PHYH: variants seen among roughly 807,000 people sequenced by gnomAD.
PHYH encodes phytanoyl-CoA 2-hydroxylase, also known as phytanoyl-CoA dioxygenase, peroxisomal.
PHYH carries 32 observed loss-of-function variants against 38.5 expected under a neutral mutation model. The observed-to-expected ratio is 0.83, with a 90% CI of 0.63 to 1.12. The LOEUF (loss-of-function observed/expected upper bound fraction) is 1.12, where lower values mean the gene tolerates loss of function less well. Ranked by LOEUF, PHYH falls within the 50% of genes most tolerant of loss-of-function variation. PHYH has a pLI of 0.00. For synonymous variants in PHYH, 166 were observed against 157.9 expected (o/e 1.05, Z -0.38); for missense variants, 426 against 434.8 (o/e 0.98, Z 0.18).
intron 1 of PHYH, 44 bp downstream of exon 1, chr10:13,299,918 GCGGCGC>G (rs1213780844): frequency 2.0e-6 from 3 of 1,490,428 alleles, no homozygotes; most frequent in Non-Finnish European, 2.7e-6. Context: ...CACTCAGGCG[GCGGCGC>G]CGGCGCCGGA....
chr10:13,291,562 C>T (rs1356710972), intron 5 of PHYH: 1 of 472,806 alleles, frequency 2.1e-6, no homozygotes, highest in African/African-American at 2.0e-5. Flanking sequence ...TCACTGCAGC[C>T]TTCAACTCCT....
chr10:13,287,382 G>A (rs1261620407), intron 6 of PHYH, among the ~76,000 whole-genome samples: 2 of 152,010 alleles, frequency 1.3e-5, no homozygotes, highest in Non-Finnish European at 2.9e-5. Flanking sequence ...AAGGGTCTTC[G>A]ATCTTCCTAA....
chr10:13,282,572 A>G, intron 7 of PHYH, among the ~76,000 whole-genome samples: 1 of 147,878 alleles, frequency 6.8e-6, no homozygotes. Context: ...AGCCTGGGCA[A>G]CAGAGTGAGA....
At chr10:13,282,547 G>A (rs1479290347) in intron 7 of PHYH, among the ~76,000 whole-genome samples, 1 of 137,556 alleles carries the variant, frequency 7.3e-6, no homozygotes, top group Non-Finnish European at 1.5e-5. Context: ...AGCTGAGATT[G>A]CATCACTGCA....
Position 13,290,258 on chromosome 10 carries a change from G to A in PHYH, c.496+1573C>T, listed in dbSNP as rs895876478. ...TGCAGTAAGCCGAGATTGAGCCACT[G>A]CACTCCAGCCTGGGCAACAGAGCAA... On this transcript the variant is annotated intron_variant, in intron 5 of 8. Coordinates refer to ENST00000263038, the MANE Select transcript of PHYH (RefSeq NM_006214.4). Among the ~76,000 whole-genome samples the A allele has an allele frequency of 6.6e-5, 10 of 151,814 alleles. No individual in the cohort carries two copies. In the East Asian group the frequency reaches 1.9e-3, roughly 29 times the overall value.
chr10:13,295,580 G>T lies in PHYH; in HGVS notation c.161C>A (p.Thr54Asn), dbSNP rs775279867. ...FQYTLDNNVL[T>N]LEQRKFYEEN... is the part of the protein sequence containing the mutation. ...TTCATAAAATTTTCTCTGTTCCAGG[G>T]TTAGAACGTTATTATCCAGAGTATA... The change falls in exon 3 of 9, where the codon ACC (threonine) becomes AAC (asparagine). Residue 54 changes from threonine (T) to asparagine (N), a missense_variant. By Grantham distance (65) the Thr-to-Asn change is moderately conservative. Transcript: ENST00000263038. 1.4e-6 allele frequency: 2 copies of T among 1,405,144 alleles called. No homozygotes were observed. The highest frequency in any genetic ancestry group is 2.3e-5 in the East Asian group (1 of 43,952). 87.0% of individuals were successfully genotyped at this position (1,405,144 alleles called of 1,614,324 possible).
intron 2 of PHYH, 62 bp downstream of exon 2, chr10:13,298,125 T>C: frequency 2.1e-6 from 2 of 963,336 alleles, no homozygotes; most frequent in Non-Finnish European, 3.4e-6. Flanking sequence ...TATATCTTCA[T>C]TACCACTCAA....
intron 5 of PHYH, among the ~76,000 whole-genome samples, chr10:13,289,106 C>G: frequency 6.6e-6 from 1 of 152,076 alleles, no homozygotes; most frequent in African/African-American, 2.4e-5. Context: ...TCCCGCACTC[C>G]CTTCTTCCGG....
intron 6 of PHYH, among the ~76,000 whole-genome samples, chr10:13,286,567 G>A (rs990974268): frequency 1.3e-5 from 2 of 151,992 alleles, no homozygotes; most frequent in South Asian, 4.1e-4. Context: ...TGAGCATGGT[G>A]GCTTGTGCCT....
chr10:13,299,998 GC>G lies in PHYH; in HGVS notation c.44del (p.Gly15AlafsTer12). ...CCCCGGCCGAGGGGCGGCCGAGGTG[GC>G]CCAGAACAATCTGCAGACGGGCGGC... ...RAAARLQIVLGHLGRPSAGAV... is the reference protein window; with the variant it reads ...RAAARLQIVLXHLGRPSAGAV... On this transcript the variant is annotated frameshift_variant, in exon 1 of 9. Transcript: ENST00000263038. LOFTEE classifies it high-confidence loss of function. 6.5e-7 allele frequency: 1 copy of G among 1,532,758 alleles called. No individual in the cohort carries two copies. The allele number at this position is 1,532,758 out of a possible 1,614,324, so 94.9% of individuals were successfully genotyped here.
rs1832707305 is a variant in PHYH at position 13,300,011 on chromosome 10, T to G, written c.32A>C (p.Gln11Pro). ...GCGGCCGAGGTGGCCCAGAACAATCTGCAGACGGGCGGCGGCGCGAAGCTG... is the reference window on the plus strand; with the variant it reads ...GCGGCCGAGGTGGCCCAGAACAATCGGCAGACGGGCGGCGGCGCGAAGCTG... MEQLRAAARLQIVLGHLGRPS... is the reference protein window; with the variant it reads MEQLRAAARLPIVLGHLGRPS... The change falls in exon 1 of 9, where the codon CAG becomes CCG. Residue 11 changes from glutamine (Q) to proline (P), a missense_variant. Physicochemically the swap from Gln to Pro is moderately conservative, Grantham distance 76. Transcript: ENST00000263038. 3 of 1,532,784 alleles carry G rather than the reference T, an allele frequency of 2.0e-6. No homozygotes were observed. The highest frequency in any genetic ancestry group is 2.8e-5 in the African/African-American group (2 of 72,058). 94.9% of individuals were successfully genotyped at this position (1,532,784 alleles called of 1,614,324 possible). A position where few individuals can be genotyped will look rare whatever the true frequency, so the allele number is the denominator to read the frequency against.
At chr10:13,289,654 A>G (rs1243884411) in intron 5 of PHYH, among the ~76,000 whole-genome samples, 1 of 152,072 alleles carries the variant, frequency 6.6e-6, no homozygotes, top group East Asian at 1.9e-4. Flanking sequence ...GTTCTAAGCC[A>G]CGTGTAGTGG....
intron 5 of PHYH, among the ~76,000 whole-genome samples, chr10:13,290,424 C>G (rs1289054813): frequency 3.9e-5 from 6 of 152,166 alleles, no homozygotes; most frequent in Non-Finnish European, 5.9e-5. Context: ...GAGTGTGGCT[C>G]CCGAACACCT....
intron 1 of PHYH, 45 bp from the exon 2 acceptor site, chr10:13,298,290 G>A (rs1325980895): frequency 8.1e-7 from 1 of 1,241,616 alleles, no homozygotes. Flanking sequence ...TAGAAGGCCA[G>A]GCACGGTGGC....
intron 6 of PHYH, among the ~76,000 whole-genome samples, chr10:13,287,543 G>A (rs1031320290): frequency 3.9e-5 from 6 of 152,112 alleles, no homozygotes; most frequent in African/African-American, 1.4e-4. Flanking sequence ...AGCCCATCTA[G>A]ACTGCAAGCT....
intron 6 of PHYH, among the ~76,000 whole-genome samples, chr10:13,285,483 C>G (rs574389896): frequency 1.3e-5 from 2 of 152,112 alleles, no homozygotes; most frequent in Non-Finnish European, 2.9e-5. Flanking sequence ...TGTGTCCAGA[C>G]GAGTTAGGAG....
intron 2 of PHYH, among the ~76,000 whole-genome samples, chr10:13,296,350 G>T (rs960664469): frequency 3.3e-5 from 5 of 151,794 alleles, no homozygotes; most frequent in African/African-American, 1.2e-4. Context: ...GCTGAGGCAG[G>T]TGGATCACCT....
At chr10:13,287,965 A>G (rs1296563238) in intron 6 of PHYH, among the ~76,000 whole-genome samples, 2 of 152,142 alleles carry the variant, frequency 1.3e-5, no homozygotes, top group Non-Finnish European at 2.9e-5. Flanking sequence ...AGATCACCTG[A>G]GGTCAGGAGT....
chr10:13,299,886 C>A, intron 1 of PHYH, 82 bp downstream of exon 1: 2 of 1,447,444 alleles, frequency 1.4e-6, no homozygotes, highest in East Asian at 2.9e-5. Flanking sequence ...GACCCCGAGG[C>A]CTCCACCCGG....
Sources: allele counts gnomAD v4.1 joint callset (sites outside exome capture counted in the v4.1 genomes callset), GRCh38; gene constraint gnomAD v4.1.1; transcripts MANE v1.5; gene names NCBI Gene and HGNC (gene_info 2026-07-23, HGNC 2026-07-21).